Variants in KALRN observed in about 807,000 individuals in gnomAD.
KALRN encodes kalirin.
Under a neutral mutation model 353.7 loss-of-function variants are expected in KALRN, and 70 were observed. That is an observed-to-expected ratio of 0.20 (90% CI 0.16 to 0.24). KALRN has a LOEUF of 0.24. Among genes scored for constraint, KALRN ranks in the 10% least tolerant of loss-of-function variants. KALRN has a pLI of 1.00. For missense variants in KALRN, 2,791 were observed against 3,756.7 expected (o/e 0.74, Z 6.72); for synonymous variants, 1,391 against 1,434.8 (o/e 0.97, Z 0.69).
At chr3:124,383,151 C>G (rs992320485) in intron 10 of KALRN, among the ~76,000 whole-genome samples, 6 of 152,160 alleles carry the variant, frequency 3.9e-5, no homozygotes, top group African/African-American at 1.4e-4. Flanking sequence ...GCTTTTCAAG[C>G]AGGATTCCTT....
At chr3:124,675,003 G>GATATATATATATATATATATATATAT (rs141101032) in intron 49 of KALRN, 1 of 146,582 alleles carries the variant, frequency 6.8e-6, no homozygotes, top group African/African-American at 2.5e-5. Context: ...TTAAGTAACT[G>GATATATATATATATATATATATATAT]ATATATATAT....
chr3:124,627,177 T>G (rs2080056092), intron 34 of KALRN, among the ~76,000 whole-genome samples: 1 of 152,190 alleles, frequency 6.6e-6, no homozygotes, highest in Non-Finnish European at 1.5e-5. Context: ...GATGCCACAT[T>G]CCTTTATAAC....
chr3:124,439,601 A>T (rs1009729985), intron 18 of KALRN, among the ~76,000 whole-genome samples: 3 of 152,248 alleles, frequency 2.0e-5, no homozygotes, highest in Non-Finnish European at 4.4e-5. Context: ...TAGGGTAAGA[A>T]TTAAAGAAAT....
chr3:124,697,191 C>G (rs567789737), intron 54 of KALRN, among the ~76,000 whole-genome samples: 1 of 152,212 alleles, frequency 6.6e-6, no homozygotes, highest in African/African-American at 2.4e-5. Flanking sequence ...AGCCAGCACA[C>G]CTGGCACTAC....
At chr3:124,655,406 G>A (rs2083901664) in intron 38 of KALRN, among the ~76,000 whole-genome samples, 195 bp from the exon 39 acceptor site, 1 of 152,192 alleles carries the variant, frequency 6.6e-6, no homozygotes, top group African/African-American at 2.4e-5. Flanking sequence ...GTCCTTTCTG[G>A]CCTTGGTGTC....
At chr3:124,410,094 C>T (rs2150225243) in intron 13 of KALRN, 1 of 427,172 alleles carries the variant, frequency 2.3e-6, no homozygotes, top group Non-Finnish European at 4.7e-6. Context: ...ACACCAGGTA[C>T]AGAATCCTGG....
chr3:124,340,259 T>C (rs1480327755), intron 9 of KALRN, among the ~76,000 whole-genome samples: 1 of 152,192 alleles, frequency 6.6e-6, no homozygotes, highest in Non-Finnish European at 1.5e-5. Flanking sequence ...CTGTGGTTCA[T>C]GCCTGTAATA....
rs553671840 is a variant in KALRN at position 124,547,529 on chromosome 3, C to G, written c.4936-15314C>G. ...CTGTGTTGCCTGGGCTGGTCTTGAA[C>G]TCTTGGCCTGAAGCAATCCTCCTGC... On this transcript the variant is annotated intron_variant, in intron 33 of 59. Transcript: ENST00000682506. Among the ~76,000 whole-genome samples, 621 of 152,150 alleles carry G rather than the reference C, an allele frequency of 4.1e-3. 15 individuals carry two copies. Among genetic ancestry groups the G allele is most frequent in the Non-Finnish European group, 9.9e-4 (67 of 67,992 alleles).
intron 37 of KALRN, among the ~76,000 whole-genome samples, chr3:124,649,788 A>AGATAGATAGAT (rs1214040154): frequency 3.9e-5 from 4 of 102,788 alleles, no homozygotes; most frequent in Admixed American, 1.1e-4. Context: ...ACCCTGTCTC[A>AGATAGATAGAT]AAATAGATAG....
chr3:124,673,968 A>T (rs912144279), intron 48 of KALRN, among the ~76,000 whole-genome samples: 1 of 152,114 alleles, frequency 6.6e-6, no homozygotes, highest in African/African-American at 2.4e-5. Flanking sequence ...CCATTGAAGG[A>T]TTGTGACCCC....
At chr3:124,437,398 T>A (rs1157018825) in intron 17 of KALRN, among the ~76,000 whole-genome samples, 1 of 152,158 alleles carries the variant, frequency 6.6e-6, no homozygotes, top group Non-Finnish European at 1.5e-5. Context: ...TCCAAAGACA[T>A]CTTTCATCTG....
chr3:124,298,563 T>G (rs2077024397), intron 5 of KALRN, among the ~76,000 whole-genome samples: 1 of 152,110 alleles, frequency 6.6e-6, no homozygotes, highest in Non-Finnish European at 1.5e-5. Context: ...TCCCTTAGGC[T>G]CTGTAATGCA....
chr3:124,455,475 C>A, intron 22 of KALRN, 116 bp downstream of exon 22: 1 of 1,048,120 alleles, frequency 9.5e-7, no homozygotes, highest in Non-Finnish European at 1.4e-6. Context: ...GAGCTATTGA[C>A]TCCTAGAGCG....
intron 10 of KALRN, among the ~76,000 whole-genome samples, chr3:124,366,337 CAGAG>C: frequency 6.8e-6 from 1 of 146,820 alleles, no homozygotes; most frequent in African/African-American, 2.5e-5. Flanking sequence ...TTTTCCTAGG[CAGAG>C]GACCCTGCGG....
chr3:124,607,248 T>C (rs1201057278), intron 34 of KALRN, among the ~76,000 whole-genome samples: 3 of 152,214 alleles, frequency 2.0e-5, no homozygotes, highest in African/African-American at 7.2e-5. Context: ...GATCCAAACA[T>C]AGGAAGATCT....
intron 1 of KALRN, among the ~76,000 whole-genome samples, chr3:124,066,867 A>C (rs1459257488): frequency 2.0e-5 from 3 of 152,168 alleles, no homozygotes; most frequent in Non-Finnish European, 2.9e-5. Context: ...GGCTTTTAGG[A>C]GACACAGTTT....
chr3:124,632,324 G>GAGGA, intron 34 of KALRN, 96 bp from the exon 35 acceptor site: 1 of 1,223,880 alleles, frequency 8.2e-7, no homozygotes, highest in Non-Finnish European at 1.2e-6. Flanking sequence ...ATTCTGCCTT[G>GAGGA]TGTCCTAGCT....
At chr3:124,374,227 C>G (rs1335625043) in intron 10 of KALRN, 1 of 152,446 alleles carries the variant, frequency 6.6e-6, no homozygotes, top group Non-Finnish European at 1.5e-5. Flanking sequence ...CTGTGGGTAC[C>G]TTGATCTTGG....
At chr3:124,599,069 G>A (rs988239084) in intron 34 of KALRN, among the ~76,000 whole-genome samples, 2 of 152,148 alleles carry the variant, frequency 1.3e-5, no homozygotes, top group Non-Finnish European at 2.9e-5. Flanking sequence ...TGGGCAGTCG[G>A]GACCCTGCCT....
Sources: allele counts gnomAD v4.1 joint callset (sites outside exome capture counted in the v4.1 genomes callset), GRCh38; gene constraint gnomAD v4.1.1; transcripts MANE v1.5; gene names NCBI Gene and HGNC (gene_info 2026-07-23, HGNC 2026-07-21).